TYW1B: variants seen among roughly 807,000 people sequenced by gnomAD.
TYW1B encodes the protein S-adenosyl-L-methionine-dependent tRNA 4-demethylwyosine synthase TYW1B.
TYW1B carries 73 observed loss-of-function variants against 86.9 expected under a neutral mutation model. The observed-to-expected ratio is 0.84, with a 90% CI of 0.70 to 1.02. The LOEUF is 1.02. Among genes scored for constraint, TYW1B ranks in the 50% least tolerant of loss-of-function variants. The pLI, the probability that TYW1B is intolerant of heterozygous loss-of-function variation, is 0.00. For missense variants in TYW1B, 637 were observed against 827.4 expected (o/e 0.77, Z 2.82); for synonymous variants, 248 against 292.8 (o/e 0.85, Z 1.56).
intron 6 of TYW1B, among the ~76,000 whole-genome samples, chr7:72,792,339 A>G (rs1788235141): frequency 6.6e-6 from 1 of 152,078 alleles, no homozygotes; most frequent in Non-Finnish European, 1.5e-5. Context: ...AAAAAAAAAG[A>G]AAGAAATGTT....
chr7:72,595,853 T>C (rs781998187), intron 13 of TYW1B, among the ~76,000 whole-genome samples: 12 of 151,996 alleles, frequency 7.9e-5, no homozygotes, highest in Middle Eastern at 3.2e-3. Context: ...ATACATCCCA[T>C]GTTCATGGAT....
At chr7:72,827,967 C>A in intron 1 of TYW1B, 105 bp downstream of exon 1, 1 of 1,573,826 alleles carries the variant, frequency 6.4e-7, no homozygotes. Context: ...GTGCAACAGT[C>A]TCCGAAGGAA....
intron 11 of TYW1B, among the ~76,000 whole-genome samples, chr7:72,635,009 C>A (rs1430341748): frequency 2.0e-5 from 3 of 152,014 alleles, no homozygotes; most frequent in Admixed American, 1.3e-4. Flanking sequence ...TCCTTATTAG[C>A]GTTTCTTTCA....
intron 12 of TYW1B, among the ~76,000 whole-genome samples, chr7:72,625,864 C>T (rs546051496): frequency 1.9e-4 from 23 of 119,174 alleles, no homozygotes; most frequent in East Asian, 1.7e-3. Context: ...AACATGACTG[C>T]GAAAGTAAGA....
chr7:72,761,778 A>C (rs1787690047), intron 7 of TYW1B, among the ~76,000 whole-genome samples: 1 of 152,042 alleles, frequency 6.6e-6, no homozygotes, highest in African/African-American at 2.4e-5. Context: ...AAGGTTACAA[A>C]GAAAAGAATA....
intron 7 of TYW1B, among the ~76,000 whole-genome samples, chr7:72,765,392 A>T (rs1476804934): frequency 2.6e-5 from 4 of 152,148 alleles, no homozygotes; most frequent in African/African-American, 9.7e-5. Flanking sequence ...ACTGGACTAG[A>T]TTCTGAATTC....
At chr7:72,585,807 T>A (rs1811261911) in intron 13 of TYW1B, among the ~76,000 whole-genome samples, 1 of 152,148 alleles carries the variant, frequency 6.6e-6, no homozygotes, top group South Asian at 2.1e-4. Flanking sequence ...TCTTATAAAT[T>A]ACCCAATCTC....
intron 10 of TYW1B, among the ~76,000 whole-genome samples, chr7:72,696,183 G>A (rs1166877654): frequency 6.6e-6 from 1 of 151,924 alleles, no homozygotes; most frequent in African/African-American, 2.4e-5. Flanking sequence ...CCTGACCTCA[G>A]GTGATCCACG....
intron 12 of TYW1B, among the ~76,000 whole-genome samples, chr7:72,619,069 AG>A (rs1201670016): frequency 6.6e-6 from 1 of 152,194 alleles, no homozygotes; most frequent in Non-Finnish European, 1.5e-5. Flanking sequence ...CGCATGTCCG[AG>A]GACTTTCCAG....
At chr7:72,799,213 C>T (rs112985758) in intron 6 of TYW1B, among the ~76,000 whole-genome samples, 1 of 136,332 alleles carries the variant, frequency 7.3e-6, no homozygotes, top group Non-Finnish European at 1.5e-5. Flanking sequence ...GGCTTGAATG[C>T]AGCGGCATGA....
chr7:72,703,980 CTA>C (rs1252909291), intron 10 of TYW1B, among the ~76,000 whole-genome samples: 5 of 572 alleles, frequency 8.7e-3, no homozygotes, highest in African/African-American at 0.06. Context: ...CTTCAATACT[CTA>C]CTAATTTTAT....
intron 12 of TYW1B, among the ~76,000 whole-genome samples, chr7:72,627,788 T>C (rs1554439136): frequency 6.6e-6 from 1 of 152,128 alleles, no homozygotes. Context: ...TCTCTTGATC[T>C]AACTATAGGC....
At chr7:72,727,831 A>AG (rs1395590340) in intron 9 of TYW1B, among the ~76,000 whole-genome samples, 12,343 of 103,128 alleles carry the variant, frequency 0.12, 839 homozygotes, top group African/African-American at 0.2. Flanking sequence ...AAAAAAAAAA[A>AG]AAGAAGAAAG....
At chr7:72,582,046 C>T (rs1160833378) in intron 13 of TYW1B, among the ~76,000 whole-genome samples, 1 of 150,754 alleles carries the variant, frequency 6.6e-6, no homozygotes, top group South Asian at 2.1e-4. Flanking sequence ...TGGGATAACA[C>T]GTGTGAGCCA....
At chr7:72,681,017 G>A (rs1411658586) in intron 11 of TYW1B, among the ~76,000 whole-genome samples, 1 of 152,084 alleles carries the variant, frequency 6.6e-6, no homozygotes, top group Admixed American at 6.6e-5. Flanking sequence ...AATGTTTCTA[G>A]GTGTTTTTGT....
chr7:72,585,007 C>T (rs369495172), intron 13 of TYW1B, among the ~76,000 whole-genome samples: 1,846 of 152,232 alleles, frequency 0.012, 35 homozygotes, highest in African/African-American at 0.041. Flanking sequence ...AATAAAACTG[C>T]CACAGTGAAG....
chr7:72,706,431 C>CAAAAAAAA (rs59124514), intron 10 of TYW1B, among the ~76,000 whole-genome samples: 1 of 64,490 alleles, frequency 1.6e-5, no homozygotes, highest in Non-Finnish European at 2.9e-5. Flanking sequence ...CCTCCATCTC[C>CAAAAAAAA]AAAAAAAAAA....
chr7:72,700,155 C>CTTTTTT lies in TYW1B; in HGVS notation c.1371-5339_1371-5334dup, dbSNP rs587689485. ...TATCAATACATAAAGAGCTTTTACA[C>CTTTTTT]TTTTTTTTTTTTTTTTTTTTTTTTT... is the stretch of plus-strand genomic sequence containing the variant. On this transcript the variant is annotated intron_variant, in intron 10 of 13. Coordinates refer to ENST00000620995, the MANE Select transcript of TYW1B (RefSeq NM_001145440.3). 5.5e-4 allele frequency among the ~76,000 whole-genome samples: 41 copies of CTTTTTT among 74,250 alleles called. 2 individuals are homozygous for CTTTTTT. Among genetic ancestry groups the CTTTTTT allele is most frequent in the Non-Finnish European group, 6.5e-4 (29 of 44,766 alleles). The allele number at this position is 74,250 out of a possible 152,430, so 48.7% of individuals were successfully genotyped here.
At chr7:72,716,805 A>ATT (rs71071904) in intron 9 of TYW1B, among the ~76,000 whole-genome samples, 100,209 of 136,290 alleles carry the variant, frequency 0.74, 37,313 homozygotes, top group Middle Eastern at 0.84. Context: ...CGTCTGGCTA[A>ATT]TTTTTTTTTT....
Sources: gnomAD v4.1 joint callset for allele counts (sites outside exome capture counted in the v4.1 genomes callset) on GRCh38, gnomAD v4.1.1 for gene constraint, MANE v1.5 for transcripts, NCBI Gene and HGNC (gene_info 2026-07-23, HGNC 2026-07-21) for gene names.